The following HADH variants were observed in gnomAD, a reference collection of about 807,000 sequenced individuals.
The protein encoded by HADH is hydroxyacyl-CoA dehydrogenase.
A neutral mutation model predicts 32.2 loss-of-function variants in HADH; 24 were observed. The observed-to-expected ratio is 0.75, with a 90% confidence interval of 0.54 to 1.05. HADH has a LOEUF of 1.05. HADH is among the 50% of genes least tolerant of loss of function. The probability of loss-of-function intolerance (pLI) is 0.00; values close to 1 mark genes in which losing one functional copy is unlikely to be tolerated. For synonymous variants in HADH, 139 were observed against 152.5 expected (o/e 0.91, Z 0.65); for missense variants, 350 against 397.1 (o/e 0.88, Z 1.01).
chr4:108,019,669 C>T lies in HADH; in HGVS notation c.546+3C>T. ...TGCCTGTCATGAAACTTGTGGAGGT[C>T]AGTGGGTGTCAGCTTGTGTGTGTCT... On this transcript the variant is annotated splice_donor_region_variant and intron_variant, in intron 4 of 7. Transcript: ENST00000309522. The T allele has an allele frequency of 6.2e-7, 1 of 1,613,964 alleles. No individual in the cohort carries two copies. The highest frequency in any genetic ancestry group is 8.5e-7 in the Non-Finnish European group (1 of 1,179,894).
rs781502786 is a variant in HADH, at chr4:108,032,359, T to C, written c.710-817T>C. The C allele has an allele frequency of 5.0e-6, 8 of 1,601,146 alleles. No homozygotes were observed. The East Asian group carries it at 1.3e-4, about 27-fold the overall frequency. ...AACGTGTGGTGATTCTAACTCGGGT[T>C]TGGGCTTTTCTTTAAAAGGTATCTT... On this transcript the variant is annotated intron_variant, in intron 6 of 7. Coordinates refer to ENST00000309522, the MANE Select transcript of HADH (RefSeq NM_005327.7).
intron 3 of HADH, among the ~76,000 whole-genome samples, chr4:108,018,476 G>GA (rs1014676714): frequency 2.1e-4 from 32 of 152,040 alleles, no homozygotes; most frequent in African/African-American, 7.7e-4. Flanking sequence ...GCCTACCTTG[G>GA]AAGCTGTTGG....
intron 7 of HADH, among the ~76,000 whole-genome samples, chr4:108,033,603 A>G (rs949281191): frequency 3.3e-5 from 5 of 152,228 alleles, no homozygotes; most frequent in African/African-American, 1.2e-4. Flanking sequence ...GCCATAGTAC[A>G]ATATTAAATC....
intron 2 of HADH, among the ~76,000 whole-genome samples, chr4:108,010,840 A>G (rs940264350): frequency 6.0e-5 from 9 of 150,702 alleles, no homozygotes; most frequent in Admixed American, 1.3e-4. Flanking sequence ...CATGTGTCAC[A>G]ACTTCATTCT....
chr4:108,017,188 A>C (rs1035426807), intron 3 of HADH, among the ~76,000 whole-genome samples: 2 of 152,226 alleles, frequency 1.3e-5, no homozygotes, highest in African/African-American at 4.8e-5. Context: ...AAGAAAATAT[A>C]GTCAAGTGAT....
In HADH at chr4:108,030,170, G is replaced by T. The variant is rs1183139090; in HGVS notation, c.709+2410G>T. On this transcript the variant is annotated intron_variant, in intron 6 of 7. Coordinates refer to ENST00000309522, the MANE Select transcript of HADH (RefSeq NM_005327.7). Reference sequence around the variant, plus strand: ...TGGTTTCCTGCCATCTACAAGCTCTGCCAGAGAGCCTTCCTTCTGGCCAAC... The same window carrying T: ...TGGTTTCCTGCCATCTACAAGCTCTTCCAGAGAGCCTTCCTTCTGGCCAAC... 4 of 152,336 alleles carry T rather than the reference G, an allele frequency of 2.6e-5. No homozygotes were observed. In the East Asian group the frequency reaches 7.7e-4, roughly 29 times the overall value. The allele number at this position is 152,336 out of a possible 1,614,324, so 9.4% of individuals were successfully genotyped here.
At chr4:108,025,486 T>C (rs185359760) in intron 5 of HADH, 1 of 152,338 alleles carries the variant, frequency 6.6e-6, no homozygotes, top group East Asian at 1.9e-4. Context: ...ATTTTTAAAG[T>C]ATTTAGAACA....
chr4:108,032,925 C>A lies in HADH; in HGVS notation c.710-251C>A, dbSNP rs541943727. The A allele has an allele frequency of 4.7e-3, 2,208 of 466,940 alleles. 10 individuals are homozygous for A. The highest frequency in any genetic ancestry group is 6.5e-3 in the Non-Finnish European group (1,665 of 255,612). The allele number at this position is 466,940 out of a possible 1,614,324, so 28.9% of individuals were successfully genotyped here. ...TGAACCCAGGAGGCGGAGGTTGCAG[C>A]GAGCCAAGATTGTGCCATTGCACTT... On this transcript the variant is annotated intron_variant, in intron 6 of 7. Coordinates refer to ENST00000309522, the MANE Select transcript of HADH (RefSeq NM_005327.7).
chr4:107,998,284 T>C (rs2126219841), intron 1 of HADH, among the ~76,000 whole-genome samples: 1 of 152,114 alleles, frequency 6.6e-6, no homozygotes, highest in African/African-American at 2.4e-5. Flanking sequence ...GAAATGATTG[T>C]TTTGTTTTGT....
chr4:107,997,500 G>A (rs1734990992), intron 1 of HADH, among the ~76,000 whole-genome samples: 1 of 152,054 alleles, frequency 6.6e-6, no homozygotes, highest in Admixed American at 6.6e-5. Context: ...ACTTGGTCCT[G>A]TGGTCAGAGT....
In HADH at chr4:107,990,941, C is replaced by T. The variant is rs578054190; in HGVS notation, c.132+877C>T. On this transcript the variant is annotated intron_variant, in intron 1 of 7. Transcript: ENST00000309522. Reference sequence around the variant, plus strand: ...ATTTTTAGTAGAGACAGGGTTTCACCTTGTGGGTCAGGCTGATCTCGAACT... The same window carrying T: ...ATTTTTAGTAGAGACAGGGTTTCACTTTGTGGGTCAGGCTGATCTCGAACT... Among the ~76,000 whole-genome samples the T allele has an allele frequency of 2.0e-5, 3 of 152,156 alleles. No homozygotes were observed. In the South Asian group the frequency reaches 6.2e-4, roughly 32 times the overall value.
At chr4:108,019,711 C>A (rs1215807930) in intron 4 of HADH, 45 bp downstream of exon 4, 6 of 1,611,640 alleles carry the variant, frequency 3.7e-6, no homozygotes, top group Non-Finnish European at 8.5e-7. Context: ...TCTGCCAGCT[C>A]TCTCAGTCCT....
At chr4:107,996,958 A>C (rs1478829164) in intron 1 of HADH, among the ~76,000 whole-genome samples, 1 of 152,100 alleles carries the variant, frequency 6.6e-6, no homozygotes, top group Non-Finnish European at 1.5e-5. Flanking sequence ...CCTCAACAGA[A>C]CAGCTTTTGC....
Position 108,023,551 on chromosome 4 carries a change from T to A in HADH, c.624T>A (p.Pro208=), listed in dbSNP as rs1378322667. 1.3e-6 allele frequency: 2 copies of A among 1,597,164 alleles called. No homozygotes were observed. Among genetic ancestry groups the A allele is most frequent in the South Asian group, 2.2e-5 (2 of 90,770 alleles). The change falls in exon 5 of 8, where the codon CCT becomes CCA. Residue 208 remains proline (P), a synonymous_variant. Coordinates refer to ENST00000309522, the MANE Select transcript of HADH (RefSeq NM_005327.7). ...VDFSKALGKH[P]VSCKDTPGFI... ...TTAGCAAAGCCCTAGGAAAGCATCC[T>A]GTTTCTTGCAAGGTAAGAGTATGGG...
intron 3 of HADH, among the ~76,000 whole-genome samples, chr4:108,016,431 G>A (rs1427062971): frequency 1.3e-5 from 2 of 152,176 alleles, no homozygotes; most frequent in Non-Finnish European, 2.9e-5. Flanking sequence ...CTGCCAATCA[G>A]TGTCCTCGTG....
At chr4:108,013,146 T>G (rs1333004381) in intron 2 of HADH, among the ~76,000 whole-genome samples, 1 of 152,216 alleles carries the variant, frequency 6.6e-6, no homozygotes, top group Non-Finnish European at 1.5e-5. Context: ...TTATCCCGGA[T>G]GGTCTCGATC....
intron 4 of HADH, among the ~76,000 whole-genome samples, chr4:108,020,480 A>T (rs1271671152): frequency 6.6e-6 from 1 of 152,126 alleles, no homozygotes; most frequent in East Asian, 1.9e-4. Context: ...GAATAAAAAA[A>T]CCCTAAAAGT....
chr4:108,032,671 C>T, intron 6 of HADH: 1 of 356,988 alleles, frequency 2.8e-6, no homozygotes, highest in Non-Finnish European at 5.2e-6. Context: ...CCAAAATTCA[C>T]CTCAGTGGTG....
intron 1 of HADH, among the ~76,000 whole-genome samples, chr4:108,006,700 G>A (rs1735304269): frequency 6.6e-6 from 1 of 152,158 alleles, no homozygotes; most frequent in African/African-American, 2.4e-5. Context: ...CCCACACTTT[G>A]AGAACCCTTG....
Sources: gnomAD v4.1 joint callset for allele counts (sites outside exome capture counted in the v4.1 genomes callset) on GRCh38, gnomAD v4.1.1 for gene constraint, MANE v1.5 for transcripts, NCBI Gene and HGNC (gene_info 2026-07-23, HGNC 2026-07-21) for gene names.